TSPAN18: variants seen among roughly 807,000 people sequenced by gnomAD.
TSPAN18 encodes tetraspanin-18.
In TSPAN18, 14 loss-of-function variants were observed where a neutral mutation model predicts 27.3. The observed-to-expected ratio is 0.51, with a 90% confidence interval of 0.34 to 0.80. The LOEUF is 0.80. Ranked by LOEUF, TSPAN18 falls within the 30% of genes least tolerant of loss-of-function variation. The pLI, the probability that TSPAN18 is intolerant of heterozygous loss-of-function variation, is 0.01. For missense variants in TSPAN18, 268 were observed against 323.9 expected (o/e 0.83, Z 1.32); for synonymous variants, 143 against 136.5 (o/e 1.05, Z -0.33).
chr11:44,919,736 C>A, intron 7 of TSPAN18, 81 bp from the exon 8 acceptor site: 4 of 1,401,080 alleles, frequency 2.9e-6, no homozygotes, highest in Non-Finnish European at 4.0e-6. Flanking sequence ...CACTCCTTTG[C>A]AGAGGCTGTA....
At chr11:44,827,723 ATGTGGGAAGCTCAG>A (rs781638583) in intron 2 of TSPAN18, among the ~76,000 whole-genome samples, 4 of 152,184 alleles carry the variant, frequency 2.6e-5, no homozygotes, top group African/African-American at 4.8e-5. Flanking sequence ...ATATCTTTCC[ATGTGGGAAGCTCAG>A]TGTGCATTTG....
At chr11:44,839,285 C>T (rs1273931517) in intron 2 of TSPAN18, among the ~76,000 whole-genome samples, 1 of 152,218 alleles carries the variant, frequency 6.6e-6, no homozygotes, top group Non-Finnish European at 1.5e-5. Context: ...CCCGGCTCCC[C>T]AGTCTGTCCT....
chr11:44,900,124 G>T (rs1289555398), intron 3 of TSPAN18, among the ~76,000 whole-genome samples: 2 of 152,222 alleles, frequency 1.3e-5, no homozygotes, highest in African/African-American at 4.8e-5. Flanking sequence ...TAACAGCCAG[G>T]CAGGGATTGG....
At chr11:44,803,344 G>GT (rs1390101594) in intron 2 of TSPAN18, among the ~76,000 whole-genome samples, 1 of 152,118 alleles carries the variant, frequency 6.6e-6, no homozygotes, top group Admixed American at 6.5e-5. Flanking sequence ...TGGGTTGGGG[G>GT]GGCATTTTTT....
At chr11:44,731,942 T>G (rs1854671630) in intron 1 of TSPAN18, among the ~76,000 whole-genome samples, 1 of 152,248 alleles carries the variant, frequency 6.6e-6, no homozygotes, top group Non-Finnish European at 1.5e-5. Context: ...GTGTTTAAGC[T>G]GATCAGCCTC....
chr11:44,782,541 T>A (rs1380894790), intron 2 of TSPAN18, among the ~76,000 whole-genome samples: 2 of 100,296 alleles, frequency 2.0e-5, no homozygotes, highest in South Asian at 3.2e-4. Context: ...AGACTCCGTC[T>A]CCACAAAAAA....
chr11:44,827,546 T>G (rs758795603), intron 2 of TSPAN18, among the ~76,000 whole-genome samples: 82 of 152,188 alleles, frequency 5.4e-4, no homozygotes, highest in Non-Finnish European at 7.8e-4. Flanking sequence ...GTAGGTGATT[T>G]CCTTATGCTG....
At chr11:44,829,185 C>T (rs377067773) in intron 2 of TSPAN18, among the ~76,000 whole-genome samples, 58 of 152,216 alleles carry the variant, frequency 3.8e-4, no homozygotes, top group African/African-American at 6.5e-4. Flanking sequence ...CAATACATTG[C>T]GATTAACTAA....
intron 8 of TSPAN18, among the ~76,000 whole-genome samples, chr11:44,921,519 G>A (rs968302491): frequency 6.6e-6 from 1 of 152,186 alleles, no homozygotes; most frequent in African/African-American, 2.4e-5. Flanking sequence ...GAGCAGAGGT[G>A]ATTTGTGCAA....
intron 3 of TSPAN18, among the ~76,000 whole-genome samples, chr11:44,866,856 C>T (rs994473015): frequency 2.6e-5 from 4 of 152,202 alleles, no homozygotes; most frequent in Non-Finnish European, 5.9e-5. Flanking sequence ...GGCATAGGAC[C>T]CAAAGACTTG....
intron 2 of TSPAN18, among the ~76,000 whole-genome samples, chr11:44,838,033 G>C (rs1218363035): frequency 6.6e-6 from 1 of 152,160 alleles, no homozygotes; most frequent in South Asian, 2.1e-4. Context: ...AGATTTGGGT[G>C]GTGGGGTACA....
chr11:44,772,849 G>A (rs59831848), intron 2 of TSPAN18, among the ~76,000 whole-genome samples: 1 of 151,876 alleles, frequency 6.6e-6, no homozygotes, highest in East Asian at 2.0e-4. Flanking sequence ...GTAGAAACAG[G>A]GTTTCTCCGT....
At chr11:44,893,765 G>A (rs1858935854) in intron 3 of TSPAN18, among the ~76,000 whole-genome samples, 1 of 152,174 alleles carries the variant, frequency 6.6e-6, no homozygotes, top group Non-Finnish European at 1.5e-5. Context: ...GATCAAGTGA[G>A]ATCATTTTAA....
At chr11:44,868,631 G>C (rs1292919688) in intron 3 of TSPAN18, among the ~76,000 whole-genome samples, 1 of 152,218 alleles carries the variant, frequency 6.6e-6, no homozygotes, top group Non-Finnish European at 1.5e-5. Context: ...CCCAGGATCA[G>C]GGCTCTTGCT....
chr11:44,816,871 C>G (rs1856827616), intron 2 of TSPAN18, among the ~76,000 whole-genome samples: 1 of 152,180 alleles, frequency 6.6e-6, no homozygotes, highest in Non-Finnish European at 1.5e-5. Flanking sequence ...TCTGCCTCTC[C>G]TCTTCCTCCA....
At chr11:44,842,816 T>G (rs1333438255) in intron 2 of TSPAN18, among the ~76,000 whole-genome samples, 1 of 152,220 alleles carries the variant, frequency 6.6e-6, no homozygotes, top group Non-Finnish European at 1.5e-5. Context: ...AGAATTTTTA[T>G]GCACCAAGTT....
intron 3 of TSPAN18, among the ~76,000 whole-genome samples, chr11:44,888,116 AGGGTCTTGACTCTAACCCAGGACTCG>A (rs1246733866): frequency 6.6e-6 from 1 of 152,272 alleles, no homozygotes; most frequent in East Asian, 1.9e-4. Context: ...CCGAGTTTTC[AGGGTCTTGACTCTAACCCAGGACTCG>A]GGGCTGCCAA....
chr11:44,926,472 G>A (rs1241486895), intron 8 of TSPAN18: 20 of 578,932 alleles, frequency 3.5e-5, no homozygotes, highest in Non-Finnish European at 6.2e-5. Flanking sequence ...GGGTGGCAAA[G>A]AGGGTCTTTG....
Position 44,923,108 on chromosome 11 carries a change from C to CA in TSPAN18, c.615+3117dup, listed in dbSNP as rs139482762. Among the ~76,000 whole-genome samples the CA allele has an allele frequency of 1.3e-4, 20 of 151,372 alleles. No homozygotes were observed. In the South Asian group the frequency reaches 1.5e-3, roughly 11 times the overall value. ...TGGGCAGCACAGTGAGACTCCATCT[C>CA]AAAAAAAAGAAAAAAAGAAGCCTTT... On this transcript the variant is annotated intron_variant, in intron 8 of 9. Coordinates refer to ENST00000520358, the MANE Select transcript of TSPAN18 (RefSeq NM_130783.5).
Sources: allele counts gnomAD v4.1 joint callset (sites outside exome capture counted in the v4.1 genomes callset), GRCh38; gene constraint gnomAD v4.1.1; transcripts MANE v1.5; gene names NCBI Gene and HGNC (gene_info 2026-07-23, HGNC 2026-07-21).